The following GAREM2 variants were observed in gnomAD, a reference collection of about 807,000 sequenced individuals.
GAREM2 encodes the protein GRB2-associated and regulator of MAPK protein 2.
A neutral mutation model predicts 55.6 loss-of-function variants in GAREM2; 30 were observed. The observed-to-expected ratio is 0.54, with a 90% confidence interval of 0.40 to 0.73. The LOEUF (loss-of-function observed/expected upper bound fraction) is 0.73. GAREM2 is among the 30% of genes least tolerant of loss of function. GAREM2 has a pLI of 0.00. For synonymous variants in GAREM2, 550 were observed against 569.1 expected (o/e 0.97, Z 0.48); for missense variants, 1,075 against 1,257.7 (o/e 0.85, Z 2.20).
downstream of GAREM2, chr2:26,191,406 A>G (rs777443658): frequency 6.2e-7 from 1 of 1,614,114 alleles, no homozygotes; most frequent in East Asian, 2.2e-5. Flanking sequence ...CTGAATAGAG[A>G]AAGAGGACTT....
the GAREM2 span, chr2:26,195,125 A>G: frequency 1.9e-6 from 3 of 1,613,084 alleles, no homozygotes; most frequent in South Asian, 1.1e-5. Context: ...CCTGCTTGAG[A>G]CCAACTGCTA....
chr2:26,197,688 T>A, the GAREM2 span: 1 of 1,338,666 alleles, frequency 7.5e-7, no homozygotes, highest in South Asian at 1.2e-5. Context: ...GTTCCGAGTT[T>A]ACCTTCTCAG....
Position 26,184,295 on chromosome 2 carries a change from C to T in GAREM2, c.447C>T (p.Asp149=). 1 of 1,551,050 alleles carries T rather than the reference C, an allele frequency of 6.4e-7. No individual in the cohort carries two copies. Among genetic ancestry groups the T allele is most frequent in the Non-Finnish European group, 8.7e-7 (1 of 1,146,826 alleles). The change falls in exon 4 of 6, where the codon GAC becomes GAT. Residue 149 remains aspartate (D), a synonymous_variant. Transcript: ENST00000401533. ...EVYNFTLHAG[D]ELTLMGQAEI... is the part of the protein sequence containing the mutation. ...ACAACTTCACGCTGCATGCGGGCGACGAGCTCACTCTTATGGGCCAGGCGG... is the reference window on the plus strand; with the variant it reads ...ACAACTTCACGCTGCATGCGGGCGATGAGCTCACTCTTATGGGCCAGGCGG...
rs767845675 is a variant in GAREM2 at position 26,186,214 on chromosome 2, A to G, written c.1454A>G (p.Asn485Ser). The G allele has an allele frequency of 2.0e-5, 30 of 1,535,526 alleles. No individual in the cohort carries two copies. The highest frequency in any genetic ancestry group is 1.0e-4 in the Admixed American group (5 of 49,822). ...GTGAAGGAGGAGTGCCGCCTGCTCA[A>G]TGCCCCTCCAGTGCCTCCCCGGGGT... ...EAVKEECRLL[N>S]APPVPPRGGN... The change falls in exon 5 of 6, where the codon AAT becomes AGT. Residue 485 changes from asparagine to serine, a missense_variant. Asn to Ser is a conservative substitution (Grantham distance 46). Transcript: ENST00000401533.
chr2:26,173,293 A>C lies in GAREM2; in HGVS notation c.73A>C (p.Ser25Arg). The change falls in exon 1 of 6, where the codon AGC (serine) becomes CGC (arginine). Residue 25 changes from serine (S) to arginine (R), a missense_variant. Physicochemically the swap from Ser to Arg is moderately radical, Grantham distance 110 (BLOSUM62 -1). This residue lies in a region of GAREM2 where 230 missense variants were observed against 310.6 expected (regional missense o/e 0.74). Coordinates refer to ENST00000401533, the MANE Select transcript of GAREM2 (RefSeq NM_001168241.2). ...MGAFPLDLIVSRCRLPTLACL... is the reference protein window; with the variant it reads ...MGAFPLDLIVRRCRLPTLACL... ...CGCCTTCCCGCTCGACCTCATCGTC[A>C]GCCGCTGCCGCCTGCCCACGCTCGC... The C allele has an allele frequency of 7.0e-7, 1 of 1,436,360 alleles. No homozygotes were observed. The highest frequency in any genetic ancestry group is 1.4e-5 in the South Asian group (1 of 74,004). 89.0% of individuals were successfully genotyped at this position (1,436,360 alleles called of 1,614,324 possible).
downstream of GAREM2, chr2:26,191,077 C>T: frequency 1.5e-6 from 1 of 686,890 alleles, no homozygotes. Flanking sequence ...CGAAGTCACA[C>T]TTCACCAGGA....
chr2:26,186,148 C>A, intron 4 of GAREM2, 41 bp from the exon 5 acceptor site: 1 of 1,457,644 alleles, frequency 6.9e-7, no homozygotes, highest in East Asian at 2.6e-5. Flanking sequence ...GGAGTGCCAG[C>A]TGTTTGGAGT....
intron 2 of GAREM2, 42 bp downstream of exon 2, chr2:26,176,526 G>A: frequency 6.8e-7 from 1 of 1,463,884 alleles, no homozygotes; most frequent in Non-Finnish European, 9.1e-7. Flanking sequence ...CTGTAGGGGG[G>A]TGTAGGCAGG....
chr2:26,183,218 C>G, intron 3 of GAREM2, 121 bp downstream of exon 3: 1 of 1,062,500 alleles, frequency 9.4e-7, no homozygotes, highest in Non-Finnish European at 1.4e-6. Flanking sequence ...CTGGGGACCC[C>G]TTAGGGGTCT....
chr2:26,176,791 G>A (rs1035869237), intron 2 of GAREM2, among the ~76,000 whole-genome samples: 1 of 152,094 alleles, frequency 6.6e-6, no homozygotes. Flanking sequence ...GTATACCTTC[G>A]GCTGCCACGC....
Position 26,187,791 on chromosome 2 carries a change from A to C in GAREM2, c.2159A>C (p.Gln720Pro), listed in dbSNP as rs1558310809. ...CCAGAGCCTGAGCTGCTGCGTTCTC[A>C]GGAGCCCAGAGCAGTGGGGACACCT... The part of the protein sequence containing the change: ...SSPEPELLRS[Q>P]EPRAVGTPGP... The change falls in exon 6 of 6, where the codon CAG (glutamine) becomes CCG (proline). Residue 720 changes from glutamine to proline, a missense_variant. Gln to Pro is a moderately conservative substitution (Grantham distance 76). This residue lies in a region of GAREM2 where 515 missense variants were observed against 501.5 expected (regional missense o/e 1.03). Coordinates refer to ENST00000401533, the MANE Select transcript of GAREM2 (RefSeq NM_001168241.2). The C allele has an allele frequency of 1.4e-6, 2 of 1,445,944 alleles. No homozygotes were observed. The highest frequency in any genetic ancestry group is 1.8e-6 in the Non-Finnish European group (2 of 1,094,836). 89.6% of individuals were successfully genotyped at this position (1,445,944 alleles called of 1,614,324 possible). A position where few individuals can be genotyped will look rare whatever the true frequency, so the allele number is the denominator to read the frequency against.
chr2:26,184,883 C>A lies in GAREM2; in HGVS notation c.1035C>A (p.Ala345=). ...PRVERLVRDS[A]SYCRERFDPD... is the part of the protein sequence containing the mutation. ...TCGAGCGCCTGGTGCGCGACAGCGCCTCCTACTGCCGCGAGCGCTTCGACC... is the reference window on the plus strand; with the variant it reads ...TCGAGCGCCTGGTGCGCGACAGCGCATCCTACTGCCGCGAGCGCTTCGACC... The change falls in exon 4 of 6, where the codon GCC becomes GCA. Residue 345 remains alanine (A), a synonymous_variant. Coordinates refer to ENST00000401533, the MANE Select transcript of GAREM2 (RefSeq NM_001168241.2). 1 of 1,461,356 alleles carries A rather than the reference C, an allele frequency of 6.8e-7. No individual in the cohort carries two copies. The highest frequency in any genetic ancestry group is 9.0e-7 in the Non-Finnish European group (1 of 1,115,948). 90.5% of individuals were successfully genotyped at this position (1,461,356 alleles called of 1,614,324 possible). A position where few individuals can be genotyped will look rare whatever the true frequency, so the allele number is the denominator to read the frequency against.
At chr2:26,200,799 C>T in the GAREM2 span, among the ~76,000 whole-genome samples, 2 of 150,500 alleles carry the variant, frequency 1.3e-5, no homozygotes, top group African/African-American at 4.9e-5. Context: ...GTGGCGTGAT[C>T]TCGGCTCACT....
chr2:26,189,282 G>GTGCC lies in GAREM2; in HGVS notation c.*1026_*1029dup. 1 of 152,260 alleles carries GTGCC rather than the reference G, an allele frequency of 6.6e-6. No homozygotes were observed. The highest frequency in any genetic ancestry group is 2.1e-4 in the South Asian group (1 of 4,824). The allele number at this position is 152,260 out of a possible 1,614,324, so 9.4% of individuals were successfully genotyped here. A position where few individuals can be genotyped will look rare whatever the true frequency, so the allele number is the denominator to read the frequency against. ...TTCACGTGCCTCACAGCAGGCCTTT[G>GTGCC]TGCCCTTGAATCTCAAACATGGGGA... On this transcript the variant is annotated 3_prime_UTR_variant, in exon 6 of 6. Transcript: ENST00000401533.
At chr2:26,174,387 G>T (rs2147717438) in intron 1 of GAREM2, among the ~76,000 whole-genome samples, 1 of 152,330 alleles carries the variant, frequency 6.6e-6, no homozygotes, top group South Asian at 2.1e-4. Flanking sequence ...TCGCTGCCCT[G>T]GGGTCTTCTG....
downstream of GAREM2, chr2:26,192,240 G>C: frequency 1.2e-6 from 1 of 804,208 alleles, no homozygotes. Context: ...AAAAATGGAA[G>C]AGGGGCTGGG....
the GAREM2 span, chr2:26,203,913 G>T: frequency 1.3e-6 from 1 of 787,840 alleles, no homozygotes; most frequent in Non-Finnish European, 2.2e-6. Flanking sequence ...GCTTCACTAC[G>T]GAGTATCTAG....
chr2:26,194,974 G>GA, the GAREM2 span: 3 of 939,024 alleles, frequency 3.2e-6, no homozygotes, highest in South Asian at 2.6e-5. Flanking sequence ...CAACCCAGGG[G>GA]AAAATCATAT....
intron 2 of GAREM2, chr2:26,182,221 G>A (rs1669073198): frequency 6.5e-6 from 9 of 1,385,694 alleles, no homozygotes; most frequent in Non-Finnish European, 8.4e-6. Context: ...TAAAGTCTGT[G>A]TCTCCTAGGG....
Sources: gnomAD v4.1 joint callset for allele counts (sites outside exome capture counted in the v4.1 genomes callset) on GRCh38, gnomAD v4.1.1 for gene constraint, gnomAD v4.1.1 regional missense constraint, MANE v1.5 for transcripts, NCBI Gene and HGNC (gene_info 2026-07-23, HGNC 2026-07-21) for gene names.